Variants in FBXL17 observed in about 807,000 individuals in gnomAD.
The protein encoded by FBXL17 is F-box/LRR-repeat protein 17.
FBXL17 carries 22 observed loss-of-function variants against 66.2 expected under a neutral mutation model. The ratio of observed to expected loss-of-function variants is 0.33; its 90% CI spans 0.24 to 0.47. FBXL17 has a LOEUF of 0.47. FBXL17 is among the 20% of genes least tolerant of loss of function. The pLI, the probability that FBXL17 is intolerant of heterozygous loss-of-function variation, is 1.00. For synonymous variants in FBXL17, 474 were observed against 400.5 expected, an observed-to-expected ratio of 1.18 and a Z score of -2.19; for missense variants, 878 against 948.2, an observed-to-expected ratio of 0.93 and a Z score of 0.97.
At chr5:108,343,683 C>T (rs1042252557) in intron 4 of FBXL17, among the ~76,000 whole-genome samples, 1 of 152,094 alleles carries the variant, frequency 6.6e-6, no homozygotes, top group African/African-American at 2.4e-5. Flanking sequence ...AAATGTTTAT[C>T]TTATATACTA....
intron 5 of FBXL17, among the ~76,000 whole-genome samples, chr5:108,195,879 CAG>C (rs1418940098): frequency 1.3e-5 from 2 of 151,994 alleles, no homozygotes; most frequent in African/African-American, 2.4e-5. Flanking sequence ...TTTGAGCAAT[CAG>C]AAAATATTGT....
At chr5:108,286,828 A>G (rs1170831495) in intron 4 of FBXL17, among the ~76,000 whole-genome samples, 1 of 151,980 alleles carries the variant, frequency 6.6e-6, no homozygotes, top group African/African-American at 2.4e-5. Flanking sequence ...GAATAGCCAC[A>G]GCAATCCTAA....
intron 7 of FBXL17, among the ~76,000 whole-genome samples, chr5:107,986,735 T>C (rs897014618): frequency 1.6e-4 from 24 of 152,110 alleles, no homozygotes; most frequent in African/African-American, 5.8e-4. Flanking sequence ...AATAGTGCAC[T>C]ATAACTTTCT....
intron 2 of FBXL17, among the ~76,000 whole-genome samples, chr5:108,365,983 C>G (rs1032556138): frequency 1.3e-5 from 2 of 152,070 alleles, no homozygotes; most frequent in Non-Finnish European, 2.9e-5. Flanking sequence ...GTTTCACTTT[C>G]CATTTGTAAC....
chr5:108,286,794 T>C (rs542892129), intron 4 of FBXL17, among the ~76,000 whole-genome samples: 3 of 152,136 alleles, frequency 2.0e-5, no homozygotes, highest in Admixed American at 6.6e-5. Context: ...ATTTTAAAAT[T>C]GGTGTGGAAC....
intron 6 of FBXL17, among the ~76,000 whole-genome samples, chr5:108,154,616 TACACACACACACACAC>T (rs768615062): frequency 3.1e-5 from 3 of 96,298 alleles, no homozygotes; most frequent in African/African-American, 4.8e-5. Context: ...AATATATATA[TACACACACACACACAC>T]ACACACACAC....
intron 7 of FBXL17, among the ~76,000 whole-genome samples, chr5:107,972,535 T>TGTAA (rs1752410837): frequency 6.6e-6 from 1 of 152,200 alleles, no homozygotes; most frequent in African/African-American, 2.4e-5. Flanking sequence ...TTTCTTCCAA[T>TGTAA]GTAAGATCAA....
At chr5:108,254,162 G>C (rs1422562406) in intron 4 of FBXL17, among the ~76,000 whole-genome samples, 4 of 152,118 alleles carry the variant, frequency 2.6e-5, no homozygotes, top group African/African-American at 9.7e-5. Flanking sequence ...TTTTCAAGTT[G>C]CATTATATAC....
chr5:108,256,268 C>G (rs1473129299), intron 4 of FBXL17, among the ~76,000 whole-genome samples: 1 of 152,104 alleles, frequency 6.6e-6, no homozygotes, highest in Non-Finnish European at 1.5e-5. Context: ...AGTACTATGC[C>G]TTCTAAAGAA....
At chr5:108,233,102 G>T (rs1344442850) in intron 4 of FBXL17, among the ~76,000 whole-genome samples, 1 of 151,524 alleles carries the variant, frequency 6.6e-6, no homozygotes. Flanking sequence ...TTTAAAATTG[G>T]GTCATTTGTC....
At chr5:107,932,275 A>G (rs1750761869) in intron 7 of FBXL17, among the ~76,000 whole-genome samples, 1 of 152,200 alleles carries the variant, frequency 6.6e-6, no homozygotes. Context: ...GACATATAAT[A>G]GAATGTTCTC....
Position 107,928,907 on chromosome 5 carries a change from G to A in FBXL17, c.1823-47728C>T, listed in dbSNP as rs539034037. ...CACCTCTCTGGAAAAAGAATTCTTT[G>A]CTAAAGCAGATTTTTTTTTTCCAAA... On this transcript the variant is annotated intron_variant, in intron 7 of 8. Transcript: ENST00000542267. Among the ~76,000 whole-genome samples the A allele has an allele frequency of 6.6e-5, 10 of 152,072 alleles. No homozygotes were observed. The East Asian group carries it at 1.9e-3, about 29-fold the overall frequency.
intron 5 of FBXL17, among the ~76,000 whole-genome samples, chr5:108,195,891 T>C (rs1156983173): frequency 2.0e-5 from 3 of 152,120 alleles, no homozygotes; most frequent in African/African-American, 7.2e-5. Context: ...GAAAATATTG[T>C]TGCAACTAAC....
chr5:108,086,933 GTC>G (rs1216768133), intron 6 of FBXL17, among the ~76,000 whole-genome samples: 1 of 152,134 alleles, frequency 6.6e-6, no homozygotes, highest in Non-Finnish European at 1.5e-5. Flanking sequence ...CCACCAGATG[GTC>G]TTTCCTTTCC....
chr5:108,364,386 T>C (rs999873541), intron 3 of FBXL17, among the ~76,000 whole-genome samples: 2 of 151,990 alleles, frequency 1.3e-5, no homozygotes, highest in African/African-American at 4.8e-5. Context: ...GTATGTCATC[T>C]AGTATAATAA....
At chr5:108,349,238 A>G (rs1747490624) in intron 3 of FBXL17, among the ~76,000 whole-genome samples, 2 of 152,374 alleles carry the variant, frequency 1.3e-5, no homozygotes, top group Middle Eastern at 3.4e-3. Context: ...GTAAGTTTTT[A>G]TAGTATAATC....
intron 7 of FBXL17, among the ~76,000 whole-genome samples, chr5:107,965,627 T>G (rs899446927): frequency 2.0e-5 from 3 of 152,186 alleles, no homozygotes; most frequent in African/African-American, 2.4e-5. Context: ...GGATGTTAGA[T>G]AGAATGTTTC....
intron 6 of FBXL17, among the ~76,000 whole-genome samples, chr5:108,091,370 T>G (rs1749182250): frequency 6.6e-6 from 1 of 152,234 alleles, no homozygotes; most frequent in Non-Finnish European, 1.5e-5. Context: ...GTTATAAACA[T>G]TTGAACTTGC....
At chr5:108,334,643 G>A (rs1043553732) in intron 4 of FBXL17, among the ~76,000 whole-genome samples, 6 of 152,198 alleles carry the variant, frequency 3.9e-5, no homozygotes, top group East Asian at 1.9e-4. Context: ...TTTTATTTTC[G>A]CTTCTTCATC....
Sources: gnomAD v4.1 joint callset for allele counts (sites outside exome capture counted in the v4.1 genomes callset) on GRCh38, gnomAD v4.1.1 for gene constraint, MANE v1.5 for transcripts, NCBI Gene and HGNC (gene_info 2026-07-23, HGNC 2026-07-21) for gene names.